Variants in FAM81A observed in about 807,000 individuals in gnomAD.
The protein encoded by FAM81A is protein FAM81A.
A neutral mutation model predicts 46.7 loss-of-function variants in FAM81A; 19 were observed. The observed-to-expected ratio is 0.41, with a 90% CI of 0.28 to 0.60. The LOEUF (loss-of-function observed/expected upper bound fraction) is 0.60. Among genes scored for constraint, FAM81A ranks in the 20% least tolerant of loss-of-function variants. The pLI is 0.34. For synonymous variants in FAM81A, 183 were observed against 152.9 expected, an observed-to-expected ratio of 1.20 and a Z score of -1.45; for missense variants, 377 against 453.5, an observed-to-expected ratio of 0.83 and a Z score of 1.53.
chr15:59,477,298 T>G (rs889094629), intron 3 of FAM81A, among the ~76,000 whole-genome samples: 1 of 152,050 alleles, frequency 6.6e-6, no homozygotes, highest in South Asian at 2.1e-4. Flanking sequence ...TGCCTGAGTT[T>G]TTATTATTAT....
At chr15:59,424,688 C>A (rs747176267) in intron 2 of FAM81A, among the ~76,000 whole-genome samples, 2 of 152,192 alleles carry the variant, frequency 1.3e-5, no homozygotes, top group Non-Finnish European at 2.9e-5. Flanking sequence ...AGAAAAAATT[C>A]TTGATTTCTC....
chr15:59,401,812 T>C lies in FAM81A; in HGVS notation c.-160-464T>C, dbSNP rs1303861220. ...GTGTTTCTCTTTTCATGCATCTTGA[T>C]AGTCTTTTTTATTTGTATTTTCTCA... On this transcript the variant is annotated intron_variant, in intron 1 of 4. Transcript: ENST00000558348. 8.1e-6 allele frequency: 6 copies of C among 740,052 alleles called. No homozygotes were observed. In the Admixed American group the frequency reaches 1.3e-4, roughly 15 times the overall value. The allele number at this position is 740,052 out of a possible 1,614,324, so 45.8% of individuals were successfully genotyped here.
intron 2 of FAM81A, 120 bp from the exon 3 acceptor site, chr15:59,459,813 A>G: frequency 7.3e-7 from 1 of 1,370,172 alleles, no homozygotes; most frequent in African/African-American, 1.5e-5. Flanking sequence ...TCCTGCCTCA[A>G]ACCCTATTTA....
intron 1 of FAM81A, among the ~76,000 whole-genome samples, chr15:59,454,430 A>T (rs1261546247): frequency 2.6e-5 from 4 of 152,202 alleles, no homozygotes; most frequent in Non-Finnish European, 5.9e-5. Flanking sequence ...ATTGGTTGGC[A>T]TTAATGTCTT....
intron 3 of FAM81A, among the ~76,000 whole-genome samples, chr15:59,473,765 G>C (rs995675192): frequency 6.6e-6 from 1 of 152,156 alleles, no homozygotes. Context: ...TAGTGTTTTA[G>C]CTGCAACTGT....
chr15:59,480,980 C>T (rs886896580), intron 3 of FAM81A, among the ~76,000 whole-genome samples: 4 of 152,036 alleles, frequency 2.6e-5, no homozygotes, highest in African/African-American at 9.7e-5. Context: ...CTTCAAAGCA[C>T]TTCTTTCTTA....
At chr15:59,458,993 A>G (rs1283191549) in intron 2 of FAM81A, among the ~76,000 whole-genome samples, 1 of 152,188 alleles carries the variant, frequency 6.6e-6, no homozygotes, top group Non-Finnish European at 1.5e-5. Flanking sequence ...TTGGCCTAGC[A>G]TGTTCTTAAA....
At chr15:59,404,859 G>A (rs951875433) in intron 2 of FAM81A, among the ~76,000 whole-genome samples, 8 of 152,204 alleles carry the variant, frequency 5.3e-5, no homozygotes, top group Admixed American at 4.6e-4. Context: ...TGAAATCCAT[G>A]TGTTTCTCAT....
chr15:59,508,511 T>C (rs1226367929), intron 5 of FAM81A, among the ~76,000 whole-genome samples: 1 of 152,166 alleles, frequency 6.6e-6, no homozygotes, highest in African/African-American at 2.4e-5. Flanking sequence ...AATTCTATTT[T>C]CTATGACGAG....
At chr15:59,424,811 T>A (rs2081188446) in intron 2 of FAM81A, among the ~76,000 whole-genome samples, 1 of 152,228 alleles carries the variant, frequency 6.6e-6, no homozygotes, top group Admixed American at 6.5e-5. Context: ...TCCAAGCCAC[T>A]GTCATACCTC....
chr15:59,472,150 C>G (rs1398930240), intron 3 of FAM81A, among the ~76,000 whole-genome samples: 1 of 152,122 alleles, frequency 6.6e-6, no homozygotes, highest in Non-Finnish European at 1.5e-5. Flanking sequence ...CAGGCTAGAG[C>G]ACTGAGACCC....
chr15:59,513,779 A>C (rs2082237993), intron 6 of FAM81A, among the ~76,000 whole-genome samples: 1 of 152,200 alleles, frequency 6.6e-6, no homozygotes, highest in Admixed American at 6.5e-5. Context: ...ATGCATACGT[A>C]TGTTCACTGC....
intron 2 of FAM81A, among the ~76,000 whole-genome samples, chr15:59,418,952 A>C (rs542809817): frequency 6.6e-6 from 1 of 152,286 alleles, no homozygotes; most frequent in Non-Finnish European, 1.5e-5. Context: ...CTGATCTACA[A>C]TTTGATTTCT....
rs2081537886 is a variant in FAM81A at position 59,460,406 on chromosome 15, AGTTACT to A, written c.294+205_294+210del. 1 of 725,030 alleles carries A rather than the reference AGTTACT, an allele frequency of 1.4e-6. No individual in the cohort carries two copies. The highest frequency in any genetic ancestry group is 1.7e-5 in the African/African-American group (1 of 57,714). 44.9% of individuals were successfully genotyped at this position (725,030 alleles called of 1,614,324 possible). ...TAAATTTATTCCAGTGTTTGATAAC[AGTTACT>A]GTTAGTGTTATGTTTAATCTAAATT... On this transcript the variant is annotated intron_variant, in intron 3 of 8. Transcript: ENST00000288228. This position sits in a 1 kb window ranked among gnomAD's most constrained non-coding sequence, Gnocchi z 4.4.
chr15:59,500,223 A>G (rs576550293), intron 4 of FAM81A, among the ~76,000 whole-genome samples: 10 of 152,196 alleles, frequency 6.6e-5, no homozygotes, highest in South Asian at 4.1e-4. Context: ...GTTTGTATCA[A>G]TTAATGTTTT....
intron 2 of FAM81A, among the ~76,000 whole-genome samples, chr15:59,414,477 A>G (rs2081137025): frequency 1.3e-5 from 2 of 152,226 alleles, no homozygotes; most frequent in East Asian, 1.9e-4. Flanking sequence ...CCCTCTTCAC[A>G]GGGGAGAGAG....
intron 2 of FAM81A, among the ~76,000 whole-genome samples, chr15:59,422,710 T>C (rs2081179422): frequency 6.6e-6 from 1 of 152,144 alleles, no homozygotes; most frequent in African/African-American, 2.4e-5. Context: ...TCTCCTGACC[T>C]CATGATCTGT....
At chr15:59,478,039 C>T (rs766261447) in intron 3 of FAM81A, among the ~76,000 whole-genome samples, 1 of 152,074 alleles carries the variant, frequency 6.6e-6, no homozygotes, top group Non-Finnish European at 1.5e-5. Flanking sequence ...GTTATCGGTC[C>T]CTGGAAGCCG....
In FAM81A at chr15:59,507,274, C is replaced by A. The variant is rs2082159461; in HGVS notation, c.475C>A (p.His159Asn). 6.2e-7 allele frequency: 1 copy of A among 1,611,972 alleles called. No individual in the cohort carries two copies. Among genetic ancestry groups the A allele is most frequent in the Non-Finnish European group, 8.5e-7 (1 of 1,179,088 alleles). Residue 159 changes from histidine to asparagine, a missense_variant, in exon 5 of 9, where the codon CAC (histidine) becomes AAC (asparagine). Coordinates refer to ENST00000288228, the MANE Select transcript of FAM81A (RefSeq NM_152450.3). ...EHKTTYEGLQ[H>N]LNKEQQAAKL... Reference sequence around the variant, plus strand: ...CAAAACGACCTATGAGGGGCTCCAGCACTTGAACAAAGAACAGCAGGCTGC... The same window carrying A: ...CAAAACGACCTATGAGGGGCTCCAGAACTTGAACAAAGAACAGCAGGCTGC...
Sources: gnomAD v4.1 joint callset for allele counts (sites outside exome capture counted in the v4.1 genomes callset) on GRCh38, gnomAD v4.1.1 for gene constraint, Gnocchi (gnomAD v3.1) non-coding constraint, MANE v1.5 for transcripts, NCBI Gene and HGNC (gene_info 2026-07-23, HGNC 2026-07-21) for gene names.